Variants in UNC5CL observed in about 807,000 individuals in gnomAD.
The protein encoded by UNC5CL is unc-5 family C-terminal like.
Under a neutral mutation model 54.1 loss-of-function variants are expected in UNC5CL, and 42 were observed. The ratio of observed to expected loss-of-function variants is 0.78; its 90% CI spans 0.61 to 1.00. The LOEUF is 1.00. Among genes scored for constraint, UNC5CL ranks in the 50% least tolerant of loss-of-function variants. The pLI is 0.00. For missense variants in UNC5CL, 619 were observed against 675.6 expected (o/e 0.92, Z 0.93); for synonymous variants, 285 against 285.1 (o/e 1.00, Z 0.00).
At chr6:41,031,835 A>C in intron 5 of UNC5CL, 87 bp from the exon 6 acceptor site, 1 of 1,449,650 alleles carries the variant, frequency 6.9e-7, no homozygotes, top group Non-Finnish European at 9.7e-7. Flanking sequence ...CTATAGTAAG[A>C]CTTGGGAAAT....
Position 41,028,739 on chromosome 6 carries a change from TC to T in UNC5CL, c.1335-145del. 1 of 800,418 alleles carries T rather than the reference TC, an allele frequency of 1.2e-6. No homozygotes were observed. The highest frequency in any genetic ancestry group is 1.9e-6 in the Non-Finnish European group (1 of 519,352). 49.6% of individuals were successfully genotyped at this position (800,418 alleles called of 1,614,324 possible). Reference sequence around the variant, plus strand: ...GTCCTTGTCCTGCTCTTGCCTGCCTTCCAGGGCACAGGAGGTGGGAAGCCCC... The same window carrying T: ...GTCCTTGTCCTGCTCTTGCCTGCCTTCAGGGCACAGGAGGTGGGAAGCCCC... On this transcript the variant is annotated intron_variant, in intron 8 of 8. Coordinates refer to ENST00000244565, the MANE Select transcript of UNC5CL (RefSeq NM_173561.3). This position sits in a 1 kb window ranked among gnomAD's most constrained non-coding sequence, Gnocchi z 4.3.
In UNC5CL at chr6:41,030,512, G is replaced by A; in HGVS notation, c.1221-11C>T. 1.9e-6 allele frequency: 3 copies of A among 1,614,076 alleles called. No individual in the cohort carries two copies. The highest frequency in any genetic ancestry group is 2.2e-5 in the South Asian group (2 of 91,082). ...AGCTCTGGGGGCAGCCTTAGGCAGG[G>A]AAAAGGGTGTTCTTGGAAGAAAGGG... On this transcript the variant is annotated splice_polypyrimidine_tract_variant and intron_variant, in intron 7 of 8. Coordinates refer to ENST00000244565, the MANE Select transcript of UNC5CL (RefSeq NM_173561.3).
In UNC5CL at chr6:41,033,483, CAA is replaced by C. The variant is rs1164054746; in HGVS notation, c.687-339_687-338del. ...CAGAGGACCTAGGACTCTAGAAAGA[CAA>C]AGAGAAGAAGGACAGAGATGGAATG... On this transcript the variant is annotated intron_variant, in intron 3 of 8. Transcript: ENST00000244565. 1.2e-5 allele frequency: 6 copies of C among 490,078 alleles called. No homozygotes were observed. The South Asian group carries it at 1.4e-4, about 11-fold the overall frequency. The allele number at this position is 490,078 out of a possible 1,614,324, so 30.4% of individuals were successfully genotyped here.
Position 41,028,937 on chromosome 6 carries a change from A to C in UNC5CL, c.1335-342T>G, listed in dbSNP as rs1581974467. ...TCTCTACCTCCCCCACTCCAAATAC[A>C]CCCCTAGCCTCCCCCTAGCCTCCTA... is the stretch of plus-strand genomic sequence containing the variant. On this transcript the variant is annotated intron_variant, in intron 8 of 8. Transcript: ENST00000244565. This position sits in a 1 kb window ranked among gnomAD's most constrained non-coding sequence, Gnocchi z 4.3. Among the ~76,000 whole-genome samples, 1 of 109,236 alleles carries C rather than the reference A, an allele frequency of 9.2e-6. No individual in the cohort carries two copies. Among genetic ancestry groups the C allele is most frequent in the South Asian group, 3.3e-4 (1 of 3,004 alleles). 71.7% of individuals were successfully genotyped at this position (109,236 alleles called of 152,430 possible). A position where few individuals can be genotyped will look rare whatever the true frequency, so the allele number is the denominator to read the frequency against.
chr6:41,035,856 A>G (rs768818948), intron 1 of UNC5CL, among the ~76,000 whole-genome samples: 4 of 152,162 alleles, frequency 2.6e-5, no homozygotes, highest in Non-Finnish European at 5.9e-5. Flanking sequence ...CTGGCCTGGA[A>G]TCAAATCCCA....
At chr6:41,032,790 T>TC in intron 4 of UNC5CL, 94 bp downstream of exon 4, 1 of 1,437,694 alleles carries the variant, frequency 7.0e-7, no homozygotes, top group Non-Finnish European at 9.2e-7. Context: ...AGACTTGGGA[T>TC]CCCCAGATCT....
chr6:41,033,675 G>T, intron 3 of UNC5CL: 1 of 609,036 alleles, frequency 1.6e-6, no homozygotes, highest in Non-Finnish European at 2.9e-6. Context: ...ACAGCAATGG[G>T]ATTTGCAGTC....
chr6:41,036,665 C>A (rs1762527705), intron 1 of UNC5CL, among the ~76,000 whole-genome samples: 1 of 152,010 alleles, frequency 6.6e-6, no homozygotes, highest in South Asian at 2.1e-4. Context: ...TTTCTTTATG[C>A]CCCTCCTTCT....
In UNC5CL at chr6:41,034,146, A is replaced by G; in HGVS notation, c.421T>C (p.Leu141=). 1.9e-6 allele frequency: 3 copies of G among 1,612,320 alleles called. No individual in the cohort carries two copies. The highest frequency in any genetic ancestry group is 2.5e-6 in the Non-Finnish European group (3 of 1,178,844). Residue 141 remains leucine (L), a synonymous_variant, in exon 3 of 9, where the codon TTG becomes CTG. Coordinates refer to ENST00000244565, the MANE Select transcript of UNC5CL (RefSeq NM_173561.3). ...VAVGRQERVS[L]ILVWDLSDAP... ...TCCGACAGGTCCCACACCAGGATCA[A>G]AGACACCCGCTCCTGGCGGCCCACA...
At chr6:41,030,052 C>T (rs1762434185) in intron 8 of UNC5CL, among the ~76,000 whole-genome samples, 1 of 152,184 alleles carries the variant, frequency 6.6e-6, no homozygotes, top group African/African-American at 2.4e-5. Context: ...GTGTCAGGCA[C>T]CCAGCTACAT....
chr6:41,028,447 G>A lies in UNC5CL; in HGVS notation c.1483C>T (p.His495Tyr). 1 of 1,613,632 alleles carries A rather than the reference G, an allele frequency of 6.2e-7. No homozygotes were observed. Among genetic ancestry groups the A allele is most frequent in the Non-Finnish European group, 8.5e-7 (1 of 1,179,924 alleles). ...CGCTCGGGGCCTGGGCTGCCGCCGTGTGTCCCACTCAGGTAGTTCTGGATG... is the reference window on the plus strand; with the variant it reads ...CGCTCGGGGCCTGGGCTGCCGCCGTATGTCCCACTCAGGTAGTTCTGGATG... Reference protein sequence around the residue: ...SAIQNYLSGTHGGSPGPERGG... With the variant: ...SAIQNYLSGTYGGSPGPERGG... Residue 495 changes from histidine to tyrosine, a missense_variant, in exon 9 of 9, where the codon CAC becomes TAC. His to Tyr is a moderately conservative substitution (Grantham distance 83). Coordinates refer to ENST00000244565, the MANE Select transcript of UNC5CL (RefSeq NM_173561.3). The surrounding 1 kb of genome is among the most constrained non-coding windows in gnomAD (Gnocchi z 4.3).
At position 41,034,004 on chromosome 6, in the gene UNC5CL, G is replaced by A; in HGVS notation, c.563C>T (p.Pro188Leu). The A allele has an allele frequency of 6.2e-7, 1 of 1,614,194 alleles. No homozygotes were observed. Among genetic ancestry groups the A allele is most frequent in the South Asian group, 1.1e-5 (1 of 91,086 alleles). Residue 188 changes from proline (P) to leucine (L), a missense_variant, in exon 3 of 9, where the codon CCC becomes CTC. Pro to Leu is a moderately conservative substitution (Grantham distance 98, BLOSUM62 -3). Coordinates refer to ENST00000244565, the MANE Select transcript of UNC5CL (RefSeq NM_173561.3). ...TLTFKHCAEQ[P>L]SHARTYSSNT... ...GCTGCTGTAGGTGCGAGCATGGCTG[G>A]GCTGCTCGGCACAGTGTTTGAACGT...
At chr6:41,031,590 A>T (rs2114007462) in intron 6 of UNC5CL, 91 bp downstream of exon 6, 2 of 1,275,818 alleles carry the variant, frequency 1.6e-6, no homozygotes, top group Non-Finnish European at 2.3e-6. Flanking sequence ...TGTGATTAAG[A>T]CCATAGTTAC....
At chr6:41,038,289 G>T (rs1762545440) in intron 1 of UNC5CL, among the ~76,000 whole-genome samples, 1 of 152,152 alleles carries the variant, frequency 6.6e-6, no homozygotes. Flanking sequence ...GGTACCAGTG[G>T]CAGGGGATGG....
chr6:41,034,152 C>G lies in UNC5CL; in HGVS notation c.415G>C (p.Val139Leu), dbSNP rs755275856. The change falls in exon 3 of 9, where the codon GTG becomes CTG. Residue 139 changes from valine to leucine, a missense_variant. Val to Leu is a conservative substitution (Grantham distance 32). Coordinates refer to ENST00000244565, the MANE Select transcript of UNC5CL (RefSeq NM_173561.3). ...AGGTCCCACACCAGGATCAAAGACA[C>G]CCGCTCCTGGCGGCCCACAGCCACA... is the stretch of plus-strand genomic sequence containing the variant. ...GAVAVGRQER[V>L]SLILVWDLSD... 3.1e-6 allele frequency: 5 copies of G among 1,610,226 alleles called. No homozygotes were observed. Among genetic ancestry groups the G allele is most frequent in the Non-Finnish European group, 4.2e-6 (5 of 1,177,506 alleles).
In UNC5CL at chr6:41,034,822, T is replaced by G. The variant is rs746421830; in HGVS notation, c.253A>C (p.Thr85Pro). The G allele has an allele frequency of 6.2e-7, 1 of 1,614,176 alleles. No individual in the cohort carries two copies. Among genetic ancestry groups the G allele is most frequent in the South Asian group, 1.1e-5 (1 of 91,080 alleles). Residue 85 changes from threonine (T) to proline (P), a missense_variant, in exon 2 of 9, where the codon ACA becomes CCA. Physicochemically the swap from Thr to Pro is conservative, Grantham distance 38 (BLOSUM62 -1). Transcript: ENST00000244565. ...ACCATGGTCTGGCCTTGAGTGGGTGTGTGTAGCTCCTGGTAGAAGGCAACC... is the reference window on the plus strand; with the variant it reads ...ACCATGGTCTGGCCTTGAGTGGGTGGGTGTAGCTCCTGGTAGAAGGCAACC... ...EMVAFYQELH[T>P]PTQGQTMVRQ...
At position 41,034,900 on chromosome 6, in the gene UNC5CL, G is replaced by A. The variant is rs1237121034; in HGVS notation, c.175C>T (p.Gln59Ter). 6.2e-7 allele frequency: 1 copy of A among 1,614,130 alleles called. No homozygotes were observed. The highest frequency in any genetic ancestry group is 8.5e-7 in the Non-Finnish European group (1 of 1,180,024). Residue 59 changes from glutamine to a stop codon, truncating the protein, a stop_gained, in exon 2 of 9, where the codon CAA becomes TAA. Coordinates refer to ENST00000244565, the MANE Select transcript of UNC5CL (RefSeq NM_173561.3). LOFTEE classifies it high-confidence loss of function. Reference sequence around the variant, plus strand: ...TGCCTTGAGACCTCATTTTCTAGTTGGGGGGTAGGCTGGGACACTGGTTCC... The same window carrying A: ...TGCCTTGAGACCTCATTTTCTAGTTAGGGGGTAGGCTGGGACACTGGTTCC... ...QEEPVSQPTP[Q>*]LENEVSRQHL... is the part of the protein sequence containing the mutation.
At chr6:41,036,738 A>G (rs1365393334) in intron 1 of UNC5CL, among the ~76,000 whole-genome samples, 1 of 152,046 alleles carries the variant, frequency 6.6e-6, no homozygotes, top group East Asian at 1.9e-4. Context: ...AACAAAAGCT[A>G]AAAGTGGAAG....
At position 41,035,077 on chromosome 6, in the gene UNC5CL, G is replaced by A. The variant is rs184003505; in HGVS notation, c.-3C>T. 1.8e-4 allele frequency: 275 copies of A among 1,552,628 alleles called. No individual in the cohort carries two copies. The East Asian group carries it at 2.6e-3, about 15-fold the overall frequency. On this transcript the variant is annotated 5_prime_UTR_variant, in exon 2 of 9. Coordinates refer to ENST00000244565, the MANE Select transcript of UNC5CL (RefSeq NM_173561.3). Reference sequence around the variant, plus strand: ...AATGAACTCTCCTGGGGGCACATTCGCCTGGTTACTCAATGCCGCTGGCTC... The same window carrying A: ...AATGAACTCTCCTGGGGGCACATTCACCTGGTTACTCAATGCCGCTGGCTC...
Sources: gnomAD v4.1 joint callset for allele counts (sites outside exome capture counted in the v4.1 genomes callset) on GRCh38, gnomAD v4.1.1 for gene constraint, Gnocchi (gnomAD v3.1) non-coding constraint, MANE v1.5 for transcripts, NCBI Gene and HGNC (gene_info 2026-07-23, HGNC 2026-07-21) for gene names.